PCSK5: variants seen among roughly 807,000 people sequenced by gnomAD.
The protein encoded by PCSK5 is prohormone convertase 5.
PCSK5 carries 129 observed loss-of-function variants against 233.2 expected under a neutral mutation model. The ratio of observed to expected loss-of-function variants is 0.55; its 90% CI spans 0.48 to 0.64. The LOEUF (loss-of-function observed/expected upper bound fraction) is 0.64, where lower values mean the gene tolerates loss of function less well. Ranked by LOEUF, PCSK5 falls within the 30% of genes least tolerant of loss-of-function variation. PCSK5 has a pLI of 0.00. For synonymous variants in PCSK5, 825 were observed against 879.2 expected (o/e 0.94, Z 1.09); for missense variants, 2,076 against 2,430.1 (o/e 0.85, Z 3.06).
At chr9:76,313,139 G>A (rs1269327281) in intron 30 of PCSK5, among the ~76,000 whole-genome samples, 2 of 152,112 alleles carry the variant, frequency 1.3e-5, no homozygotes, top group Admixed American at 6.6e-5. Context: ...AAGAATAGCA[G>A]GCTCAATTTT....
At chr9:76,152,392 A>C (rs1823711026) in intron 10 of PCSK5, among the ~76,000 whole-genome samples, 1 of 152,148 alleles carries the variant, frequency 6.6e-6, no homozygotes, top group Non-Finnish European at 1.5e-5. Context: ...ACTAAGTTGC[A>C]TTTTTTCAGG....
rs371749607 is a variant in PCSK5, at chr9:76,137,654, GT to G, written c.1312+3449del. 4.4e-4 allele frequency among the ~76,000 whole-genome samples: 67 copies of G among 152,120 alleles called. 1 individual carries two copies. In the East Asian group the frequency reaches 0.011, roughly 26 times the overall value. ...TGACTTTAAACCTCCTCCAGAGATAGTTTTTTTAATTAAATGGTATAAATAT... is the reference window on the plus strand; with the variant it reads ...TGACTTTAAACCTCCTCCAGAGATAGTTTTTTAATTAAATGGTATAAATAT... On this transcript the variant is annotated intron_variant, in intron 10 of 37. Transcript: ENST00000674117.
At chr9:76,172,527 C>T (rs1379948080) in intron 13 of PCSK5, among the ~76,000 whole-genome samples, 1 of 152,070 alleles carries the variant, frequency 6.6e-6, no homozygotes, top group East Asian at 1.9e-4. Flanking sequence ...TCAGAAATGG[C>T]ACAAAGGGAA....
At chr9:76,235,814 A>T (rs1826233933) in intron 22 of PCSK5, among the ~76,000 whole-genome samples, 1 of 152,214 alleles carries the variant, frequency 6.6e-6, no homozygotes. Flanking sequence ...TGAGAGTGTG[A>T]TGTCCTTAAG....
chr9:75,928,717 T>C (rs1166914671), intron 1 of PCSK5, among the ~76,000 whole-genome samples: 1 of 149,360 alleles, frequency 6.7e-6, no homozygotes, highest in Non-Finnish European at 1.5e-5. Context: ...TTAGCTGTTA[T>C]CTTGCAAACA....
Position 76,328,808 on chromosome 9 carries a change from T to TTTTG in PCSK5, c.4570+584_4570+587dup, listed in dbSNP as rs371067936. On this transcript the variant is annotated intron_variant, in intron 33 of 37. Coordinates refer to ENST00000674117, the MANE Select transcript of PCSK5 (RefSeq NM_001372043.1). ...GTTTCATTTAGCTTCCATGTCCCTT[T>TTTTG]TTTGTTTGTTTGTTTGTTGGGAAGG... is the stretch of plus-strand genomic sequence containing the variant. 8.4e-3 allele frequency among the ~76,000 whole-genome samples: 1,270 copies of TTTTG among 151,986 alleles called. 11 individuals are homozygous for TTTTG. Among genetic ancestry groups the TTTTG allele is most frequent in the African/African-American group, 0.029 (1,199 of 41,426 alleles).
chr9:76,206,840 G>C (rs1276962819), intron 20 of PCSK5, among the ~76,000 whole-genome samples: 1 of 152,098 alleles, frequency 6.6e-6, no homozygotes, highest in Non-Finnish European at 1.5e-5. Context: ...TGCTCTAACA[G>C]ATAACTACAA....
Position 75,950,703 on chromosome 9 carries a change from AAG to A in PCSK5, c.297+18221_297+18222del, listed in dbSNP as rs200581067. On this transcript the variant is annotated intron_variant, in intron 2 of 37. Coordinates refer to ENST00000674117, the MANE Select transcript of PCSK5 (RefSeq NM_001372043.1). ...TCCTGAAGGAAGCACTAAACATGGA[AAG>A]GAACAACAGGTACCAGCCACTGCAA... Among the ~76,000 whole-genome samples, 29 of 152,330 alleles carry A rather than the reference AAG, an allele frequency of 1.9e-4. No individual in the cohort carries two copies. In the East Asian group the frequency reaches 5.6e-3, roughly 29 times the overall value.
Position 76,239,283 on chromosome 9 carries a change from T to C in PCSK5, c.3073+118T>C, listed in dbSNP as rs1826354084. The C allele has an allele frequency of 3.8e-6, 3 of 793,238 alleles. No individual in the cohort carries two copies. The East Asian group carries it at 8.1e-5, about 21-fold the overall frequency. 49.1% of individuals were successfully genotyped at this position (793,238 alleles called of 1,614,324 possible). A position where few individuals can be genotyped will look rare whatever the true frequency, so the allele number is the denominator to read the frequency against. ...TTGCATGTCAGCACTTGGGATGATT[T>C]TGGGTGACTCCCAACCCTAGTGGGG... On this transcript the variant is annotated intron_variant, in intron 23 of 37. Transcript: ENST00000674117.
At chr9:75,915,364 T>G (rs1822942224) in intron 1 of PCSK5, among the ~76,000 whole-genome samples, 1 of 152,184 alleles carries the variant, frequency 6.6e-6, no homozygotes. Flanking sequence ...ATCAAGAGAA[T>G]AGAGACATAG....
chr9:76,191,801 A>G (rs1477600648), intron 20 of PCSK5, among the ~76,000 whole-genome samples: 1 of 152,162 alleles, frequency 6.6e-6, no homozygotes, highest in Non-Finnish European at 1.5e-5. Flanking sequence ...TTTACTTAAA[A>G]ACATGGCTCC....
intron 3 of PCSK5, among the ~76,000 whole-genome samples, chr9:75,994,447 T>A (rs867959538): frequency 8.9e-6 from 1 of 112,170 alleles, no homozygotes; most frequent in Admixed American, 1.3e-4. Context: ...TTTTTTGAGA[T>A]GGAGTCTCAC....
At chr9:75,996,197 G>C (rs1827015182) in intron 3 of PCSK5, among the ~76,000 whole-genome samples, 1 of 149,560 alleles carries the variant, frequency 6.7e-6, no homozygotes, top group Non-Finnish European at 1.5e-5. Context: ...TACAGCTTAG[G>C]GAATCCCAAC....
intron 28 of PCSK5, among the ~76,000 whole-genome samples, chr9:76,303,608 T>G (rs1206352968): frequency 6.6e-6 from 1 of 152,204 alleles, no homozygotes; most frequent in Non-Finnish European, 1.5e-5. Flanking sequence ...GCCTTATTAT[T>G]CTTTGAACAA....
chr9:76,102,413 G>A (rs1831801820), intron 8 of PCSK5, among the ~76,000 whole-genome samples: 1 of 152,114 alleles, frequency 6.6e-6, no homozygotes, highest in African/African-American at 2.4e-5. Context: ...CATTGTGGTA[G>A]TTTTAGAGGA....
rs1342727030 is a variant in PCSK5, at chr9:76,071,833, G to A, written c.829G>A (p.Asp277Asn). The A allele has an allele frequency of 6.2e-7, 1 of 1,614,188 alleles. No homozygotes were observed. The highest frequency in any genetic ancestry group is 2.2e-5 in the East Asian group (1 of 44,880). ...CAGCGCCAGCTGGGGCCCGGATGAT[G>A]ATGGCAAGACTGTGGACGGACCAGC... ...IYSASWGPDD[D>N]GKTVDGPAPL... Residue 277 changes from aspartate to asparagine, a missense_variant, in exon 7 of 38, where the codon GAT (aspartate) becomes AAT (asparagine). Coordinates refer to ENST00000674117, the MANE Select transcript of PCSK5 (RefSeq NM_001372043.1).
At chr9:76,299,238 A>T (rs1051562135) in intron 27 of PCSK5, among the ~76,000 whole-genome samples, 1 of 152,192 alleles carries the variant, frequency 6.6e-6, no homozygotes, top group Non-Finnish European at 1.5e-5. Flanking sequence ...CTAAGTAATC[A>T]AAGATTGTGC....
chr9:76,182,038 G>A (rs1823897243), intron 16 of PCSK5, among the ~76,000 whole-genome samples: 2 of 152,206 alleles, frequency 1.3e-5, no homozygotes, highest in African/African-American at 4.8e-5. Context: ...GGGCTGGTCA[G>A]ACCTGACACA....
chr9:75,947,955 C>T (rs549868845), intron 2 of PCSK5, among the ~76,000 whole-genome samples: 14 of 152,148 alleles, frequency 9.2e-5, no homozygotes, highest in Non-Finnish European at 1.8e-4. Flanking sequence ...GATCTTCCCA[C>T]CTCAGCCTCT....
Sources: gnomAD v4.1 joint callset for allele counts (sites outside exome capture counted in the v4.1 genomes callset) on GRCh38, gnomAD v4.1.1 for gene constraint, MANE v1.5 for transcripts, NCBI Gene and HGNC (gene_info 2026-07-23, HGNC 2026-07-21) for gene names.